Variants in TRIP11 observed in about 807,000 individuals in gnomAD.
TRIP11 encodes thyroid hormone receptor interactor 11, also known as thyroid receptor-interacting protein 11.
Under a neutral mutation model 223.1 loss-of-function variants are expected in TRIP11, and 148 were observed. That is an observed-to-expected ratio of 0.66 (90% CI 0.58 to 0.76). TRIP11 has a LOEUF of 0.76. TRIP11 is among the 30% of genes least tolerant of loss of function. The pLI is 0.00. For missense variants in TRIP11, 2,043 were observed against 2,222.0 expected (o/e 0.92, Z 1.62); for synonymous variants, 762 against 772.6 (o/e 0.99, Z 0.23).
rs73323714 is a variant in TRIP11, at chr14:92,020,703, T to G, written c.588+853A>C. ...GATCTGTTGCTTTTTTTTGAAAATT[T>G]TTTCCAAATAGTGTACAGAAAGGGA... On this transcript the variant is annotated intron_variant, in intron 4 of 20. Coordinates refer to ENST00000267622, the MANE Select transcript of TRIP11 (RefSeq NM_004239.4). Among the ~76,000 whole-genome samples, 776 of 152,008 alleles carry G rather than the reference T, an allele frequency of 5.1e-3. 4 individuals carry two copies. The highest frequency in any genetic ancestry group is 0.018 in the African/African-American group (737 of 41,454).
At chr14:91,991,917 T>C (rs941768994) in intron 15 of TRIP11, among the ~76,000 whole-genome samples, 7 of 151,656 alleles carry the variant, frequency 4.6e-5, no homozygotes, top group African/African-American at 1.7e-4. Context: ...ACCCTGTCTC[T>C]ACTAAAAATA....
At chr14:92,003,138 CAT>C (rs1413186200) in intron 11 of TRIP11, among the ~76,000 whole-genome samples, 1 of 151,756 alleles carries the variant, frequency 6.6e-6, no homozygotes, top group Non-Finnish European at 1.5e-5. Flanking sequence ...AAAATTCTCT[CAT>C]GAGACACATC....
rs1315754843 is a variant in TRIP11 at position 92,037,730 on chromosome 14, G to C, written c.139+1817C>G. Among the ~76,000 whole-genome samples, 1 of 152,154 alleles carries C rather than the reference G, an allele frequency of 6.6e-6. No homozygotes were observed. Among genetic ancestry groups the C allele is most frequent in the Non-Finnish European group, 1.5e-5 (1 of 68,028 alleles). On this transcript the variant is annotated intron_variant, in intron 1 of 20. Transcript: ENST00000267622. This position sits in a 1 kb window ranked among gnomAD's most constrained non-coding sequence, Gnocchi z 4.2. ...ATCTCTACTAAAAATACAAAAATTA[G>C]CCAGGTGTGGTGGCACACGCCTGTA...
intron 6 of TRIP11, among the ~76,000 whole-genome samples, chr14:92,015,132 G>A (rs1334500843): frequency 1.3e-5 from 2 of 151,876 alleles, no homozygotes; most frequent in Non-Finnish European, 2.9e-5. Context: ...TCAAACTCCT[G>A]GCCTCAAGTG....
In TRIP11 at chr14:92,000,002, T is replaced by C. The variant is rs1246699193; in HGVS notation, c.4664A>G (p.Gln1555Arg). The part of the protein sequence containing the change: ...ERDQVMLALK[Q>R]KQMENTALQN... ...TAGGGCAGTATTTTCCATTTGTTTT[T>C]GTTTCAGGGCCAACATGACTTGGTC... is the stretch of plus-strand genomic sequence containing the variant. Residue 1555 changes from glutamine (Q) to arginine (R), a missense_variant, in exon 12 of 21, where the codon CAA becomes CGA. Transcript: ENST00000267622. The C allele has an allele frequency of 1.2e-6, 2 of 1,613,898 alleles. No homozygotes were observed. Among genetic ancestry groups the C allele is most frequent in the African/African-American group, 2.7e-5 (2 of 74,928 alleles).
At chr14:92,025,513 C>T (rs2057172151) in intron 2 of TRIP11, 93 bp from the exon 3 acceptor site, 1 of 832,554 alleles carries the variant, frequency 1.2e-6, no homozygotes, top group Non-Finnish European at 1.9e-6. Flanking sequence ...CTGCTTTCCC[C>T]CCCCAAAAAT....
intron 10 of TRIP11, 138 bp from the exon 11 acceptor site, chr14:92,006,586 C>A: frequency 1.1e-6 from 1 of 939,126 alleles, no homozygotes; most frequent in Non-Finnish European, 1.6e-6. Context: ...GTTTTTCTAT[C>A]AAAAACACCC....
At chr14:91,991,821 G>A (rs980358145) in intron 15 of TRIP11, among the ~76,000 whole-genome samples, 8 of 151,728 alleles carry the variant, frequency 5.3e-5, no homozygotes, top group East Asian at 1.9e-4. Context: ...GGTGGCTCAC[G>A]CCTGTAATCC....
rs557596014 is a variant in TRIP11 at position 91,999,862 on chromosome 14, A to T, written c.4698+106T>A. 112 of 1,471,058 alleles carry T rather than the reference A, an allele frequency of 7.6e-5. 1 individual carries two copies. In the South Asian group the frequency reaches 1.3e-3, roughly 17 times the overall value. The allele number at this position is 1,471,058 out of a possible 1,614,324, so 91.1% of individuals were successfully genotyped here. On this transcript the variant is annotated intron_variant, in intron 12 of 20. Coordinates refer to ENST00000267622, the MANE Select transcript of TRIP11 (RefSeq NM_004239.4). The stretch of plus-strand genomic sequence containing the variant: ...CTGCACAGCAGAGGAAGAATAAGAA[A>T]AATCACCTAACAGAGAAATTCATTT...
In TRIP11 at chr14:91,978,798, C is replaced by T. The variant is rs539595411; in HGVS notation, c.5261-2609G>A. 2.6e-5 allele frequency among the ~76,000 whole-genome samples: 4 copies of T among 152,178 alleles called. No individual in the cohort carries two copies. The South Asian group carries it at 8.3e-4, about 32-fold the overall frequency. On this transcript the variant is annotated intron_variant, in intron 16 of 20. Coordinates refer to ENST00000267622, the MANE Select transcript of TRIP11 (RefSeq NM_004239.4). This position sits in a 1 kb window ranked among gnomAD's most constrained non-coding sequence, Gnocchi z 4.4. ...ACAAGTGTGAGCCACTGTGCCTGTC[C>T]CTATATAAAACATATTATCAAACAA...
In TRIP11 at chr14:92,014,262, T is replaced by G. The variant is rs2057008830; in HGVS notation, c.1139A>C (p.Gln380Pro). The G allele has an allele frequency of 6.2e-7, 1 of 1,613,972 alleles. No individual in the cohort carries two copies. The highest frequency in any genetic ancestry group is 1.1e-5 in the South Asian group (1 of 91,086). Residue 380 changes from glutamine (Q) to proline (P), a missense_variant, in exon 7 of 21, where the codon CAG (glutamine) becomes CCG (proline). Gln to Pro is a moderately conservative substitution (Grantham distance 76). Transcript: ENST00000267622. ...TMTEKERILA[Q>P]SASVEEVFRL... is the part of the protein sequence containing the mutation. ...GAACACTTCTTCCACTGATGCACTC[T>G]GGGCAAGAATTCTTTCCTTTTCTGT...
chr14:91,972,212 T>C (rs2056408611), intron 20 of TRIP11, among the ~76,000 whole-genome samples: 1 of 152,200 alleles, frequency 6.6e-6, no homozygotes, highest in South Asian at 2.1e-4. Context: ...TCTACATTCT[T>C]GGAGTCTCAA....
intron 11 of TRIP11, among the ~76,000 whole-genome samples, chr14:92,003,132 TTC>T (rs901443381): frequency 5.0e-4 from 76 of 152,304 alleles, no homozygotes; most frequent in African/African-American, 1.8e-3. Flanking sequence ...AACTTCAAAA[TTC>T]TCTCATGAGA....
intron 2 of TRIP11, among the ~76,000 whole-genome samples, chr14:92,032,560 C>T (rs1047560092): frequency 3.5e-4 from 53 of 152,076 alleles, no homozygotes; most frequent in African/African-American, 8.4e-4. Flanking sequence ...CTTAGCTGGG[C>T]GTGGTGGCTC....
At chr14:92,026,823 C>A in intron 2 of TRIP11, 1 of 1,383,858 alleles carries the variant, frequency 7.2e-7, no homozygotes, top group South Asian at 1.2e-5. Flanking sequence ...GGCAAGTGGG[C>A]AGCTGAAGAT....
intron 6 of TRIP11, among the ~76,000 whole-genome samples, 195 bp from the exon 7 acceptor site, chr14:92,014,772 A>G (rs966699192): frequency 8.5e-5 from 13 of 152,230 alleles, no homozygotes; most frequent in Admixed American, 8.5e-4. Flanking sequence ...AGGCCTATGT[A>G]TCTTAGTTTG....
At position 92,039,977 on chromosome 14, in the gene TRIP11, A is replaced by G; in HGVS notation, c.-292T>C. The G allele has an allele frequency of 2.0e-6, 1 of 512,762 alleles. No individual in the cohort carries two copies. The highest frequency in any genetic ancestry group is 3.5e-6 in the Non-Finnish European group (1 of 283,926). The allele number at this position is 512,762 out of a possible 1,614,324, so 31.8% of individuals were successfully genotyped here. ...TTGGGCCACTTCTTTCTCAGCTCTAATGACTTTCCTCAGTTCCGTGGGTTA... is the reference window on the plus strand; with the variant it reads ...TTGGGCCACTTCTTTCTCAGCTCTAGTGACTTTCCTCAGTTCCGTGGGTTA... On this transcript the variant is annotated 5_prime_UTR_variant, in exon 1 of 21. Transcript: ENST00000267622.
Position 91,969,285 on chromosome 14 carries a change from CG to C in TRIP11, c.*387del, listed in dbSNP as rs148331500. 0.013 allele frequency: 3,845 copies of C among 302,140 alleles called. 115 individuals are homozygous for C. The highest frequency in any genetic ancestry group is 0.07 in the African/African-American group (3,079 of 44,234). 18.7% of individuals were successfully genotyped at this position (302,140 alleles called of 1,614,324 possible). A position where few individuals can be genotyped will look rare whatever the true frequency, so the allele number is the denominator to read the frequency against. On this transcript the variant is annotated 3_prime_UTR_variant, in exon 21 of 21. Coordinates refer to ENST00000267622, the MANE Select transcript of TRIP11 (RefSeq NM_004239.4). ...CCACTACTAGTATTTTTTTATTCTT[CG>C]TTTAAAAAAAAAAAACACTCTCTTG...
Position 92,009,975 on chromosome 14 carries a change from G to C in TRIP11, c.1314+1011C>G, listed in dbSNP as rs529920546. 1.8e-4 allele frequency among the ~76,000 whole-genome samples: 28 copies of C among 152,250 alleles called. No homozygotes were observed. The East Asian group carries it at 5.2e-3, about 28-fold the overall frequency. ...AAGGTTTTCAGTATGTATGTTTTCTGAACACATATATCAGAAAATATGCAT... is the reference window on the plus strand; with the variant it reads ...AAGGTTTTCAGTATGTATGTTTTCTCAACACATATATCAGAAAATATGCAT... On this transcript the variant is annotated intron_variant, in intron 9 of 20. Coordinates refer to ENST00000267622, the MANE Select transcript of TRIP11 (RefSeq NM_004239.4).
Sources: allele counts gnomAD v4.1 joint callset (sites outside exome capture counted in the v4.1 genomes callset), GRCh38; gene constraint gnomAD v4.1.1; non-coding constraint Gnocchi (gnomAD v3.1); transcripts MANE v1.5; gene names NCBI Gene and HGNC (gene_info 2026-07-23, HGNC 2026-07-21).